The following DENND6A variants were observed in gnomAD, a reference collection of about 807,000 sequenced individuals.
DENND6A encodes DENN domain containing 6A, also known as protein DENND6A.
In DENND6A, 43 loss-of-function variants were observed where a neutral mutation model predicts 95.5. The observed-to-expected ratio is 0.45, with a 90% confidence interval of 0.35 to 0.58. The LOEUF is 0.58. Ranked by LOEUF, DENND6A falls within the 20% of genes least tolerant of loss-of-function variation. The pLI, the probability that DENND6A is intolerant of heterozygous loss-of-function variation, is 0.00. For synonymous variants in DENND6A, 257 were observed against 260.4 expected, an observed-to-expected ratio of 0.99 and a Z score of 0.13; for missense variants, 574 against 736.0, an observed-to-expected ratio of 0.78 and a Z score of 2.55.
chr3:57,634,211 T>A (rs1255737286), intron 14 of DENND6A, among the ~76,000 whole-genome samples: 2 of 151,974 alleles, frequency 1.3e-5, no homozygotes, highest in African/African-American at 4.8e-5. Context: ...GGTGGGCGTA[T>A]CACTTAAGGC....
intron 7 of DENND6A, 104 bp downstream of exon 7, chr3:57,660,656 T>C: frequency 1.0e-6 from 1 of 982,704 alleles, no homozygotes; most frequent in South Asian, 2.2e-5. Flanking sequence ...TGCAGTGAGC[T>C]GTGATCATGC....
chr3:57,630,364 T>C (rs771604106), intron 18 of DENND6A, 57 bp downstream of exon 18: 1 of 1,443,526 alleles, frequency 6.9e-7, no homozygotes, highest in Admixed American at 2.5e-5. Context: ...CTTCTAAGCA[T>C]AATTATCTTT....
At chr3:57,655,444 G>A (rs1310560063) in intron 9 of DENND6A, among the ~76,000 whole-genome samples, 4 of 152,038 alleles carry the variant, frequency 2.6e-5, no homozygotes, top group Non-Finnish European at 5.9e-5. Context: ...TAGTGATGGG[G>A]GTAATTAACT....
intron 6 of DENND6A, 73 bp from the exon 7 acceptor site, chr3:57,660,912 T>G: frequency 7.6e-7 from 1 of 1,319,614 alleles, no homozygotes; most frequent in Non-Finnish European, 1.0e-6. Context: ...GCATTAGAAA[T>G]AAGAACACTA....
intron 1 of DENND6A, among the ~76,000 whole-genome samples, chr3:57,683,344 T>G (rs140280861): frequency 6.6e-6 from 1 of 152,238 alleles, no homozygotes; most frequent in Non-Finnish European, 1.5e-5. Context: ...AGGCACTGTA[T>G]TGTATCAATT....
intron 3 of DENND6A, among the ~76,000 whole-genome samples, chr3:57,669,793 A>G (rs973332896): frequency 4.0e-5 from 6 of 151,566 alleles, no homozygotes; most frequent in African/African-American, 1.5e-4. Context: ...AGCCTGAGGC[A>G]GGCGAATCAC....
chr3:57,691,204 T>C (rs2077261101), intron 1 of DENND6A, among the ~76,000 whole-genome samples: 1 of 152,236 alleles, frequency 6.6e-6, no homozygotes, highest in African/African-American at 2.4e-5. Flanking sequence ...TTAAATTGTA[T>C]CTTGCTGTAC....
At chr3:57,689,919 C>T (rs1171483032) in intron 1 of DENND6A, among the ~76,000 whole-genome samples, 1 of 151,314 alleles carries the variant, frequency 6.6e-6, no homozygotes, top group East Asian at 1.9e-4. Context: ...TTAAAAATAG[C>T]CGGGTGTAGT....
chr3:57,649,714 T>G (rs1032569363), intron 9 of DENND6A, among the ~76,000 whole-genome samples: 5 of 151,766 alleles, frequency 3.3e-5, no homozygotes, highest in African/African-American at 9.7e-5. Flanking sequence ...TCATCTCCCC[T>G]GGGCCCTGAC....
intron 1 of DENND6A, among the ~76,000 whole-genome samples, chr3:57,682,496 G>A (rs1258850880): frequency 1.3e-5 from 2 of 151,956 alleles, no homozygotes; most frequent in Non-Finnish European, 2.9e-5. Flanking sequence ...CCATCCAGCA[G>A]GGGAAATAAG....
chr3:57,653,473 C>T (rs541720778), intron 9 of DENND6A, among the ~76,000 whole-genome samples: 4 of 151,986 alleles, frequency 2.6e-5, no homozygotes, highest in African/African-American at 4.8e-5. Flanking sequence ...AGGCCGGGCG[C>T]GGTGGCTCAC....
In DENND6A at chr3:57,625,510, A is replaced by G. The variant is rs8059; in HGVS notation, c.*2704T>C. 0.37 allele frequency: 56,891 copies of G among 152,534 alleles called. 12,374 individuals are homozygous for G. The highest frequency in any genetic ancestry group is 0.56 in the South Asian group (2,715 of 4,820). The allele number at this position is 152,534 out of a possible 1,614,324, so 9.4% of individuals were successfully genotyped here. ...TTTGGTAATGACCATAAATGCCTTC[A>G]CAAAACCTCTTTTTCACTGTAAATA... On this transcript the variant is annotated 3_prime_UTR_variant, in exon 20 of 20. Coordinates refer to ENST00000311128, the MANE Select transcript of DENND6A (RefSeq NM_152678.3).
At chr3:57,641,884 A>G in intron 11 of DENND6A, 137 bp from the exon 12 acceptor site, 1 of 591,068 alleles carries the variant, frequency 1.7e-6, no homozygotes. Context: ...TTACATATCA[A>G]CTACATGCCA....
intron 9 of DENND6A, among the ~76,000 whole-genome samples, chr3:57,657,277 T>G (rs1223574111): frequency 6.6e-6 from 1 of 152,236 alleles, no homozygotes; most frequent in Non-Finnish European, 1.5e-5. Flanking sequence ...ATCATATACA[T>G]ATCACTCAGA....
At position 57,659,145 on chromosome 3, in the gene DENND6A, T is replaced by G. The variant is rs899349001; in HGVS notation, c.735A>C (p.Thr245=). The change falls in exon 8 of 20, where the codon ACA becomes ACC. Residue 245 remains threonine (T), a synonymous_variant. Coordinates refer to ENST00000311128, the MANE Select transcript of DENND6A (RefSeq NM_152678.3). ...RIPTCHDKPG[T]TQIVQLTQQV... ...GCTGAGTTAACTGCACTATTTGAGT[T>G]GTCCCAGGCTTGTCATGACATGTGG... The G allele has an allele frequency of 3.1e-6, 5 of 1,613,974 alleles. No individual in the cohort carries two copies. Among genetic ancestry groups the G allele is most frequent in the Non-Finnish European group, 3.4e-6 (4 of 1,180,016 alleles).
At chr3:57,655,904 C>G (rs1397200002) in intron 9 of DENND6A, among the ~76,000 whole-genome samples, 1 of 152,142 alleles carries the variant, frequency 6.6e-6, no homozygotes, top group African/African-American at 2.4e-5. Context: ...TAATTGAACT[C>G]TATATTAATT....
intron 4 of DENND6A, among the ~76,000 whole-genome samples, chr3:57,664,182 T>A (rs915806213): frequency 2.6e-5 from 4 of 152,162 alleles, no homozygotes; most frequent in African/African-American, 9.7e-5. Context: ...TTGTCAAGGA[T>A]AAGGGATCAA....
chr3:57,644,314 AT>A (rs971738230), intron 11 of DENND6A, among the ~76,000 whole-genome samples: 6 of 151,642 alleles, frequency 4.0e-5, no homozygotes, highest in African/African-American at 1.5e-4. Context: ...TTACAAAAAA[AT>A]TTTTTTTGAG....
At chr3:57,650,445 C>T (rs1165117334) in intron 9 of DENND6A, among the ~76,000 whole-genome samples, 1 of 149,372 alleles carries the variant, frequency 6.7e-6, no homozygotes, top group Non-Finnish European at 1.5e-5. Flanking sequence ...CACACACACA[C>T]ATACATACAC....
Sources: allele counts gnomAD v4.1 joint callset (sites outside exome capture counted in the v4.1 genomes callset), GRCh38; gene constraint gnomAD v4.1.1; transcripts MANE v1.5; gene names NCBI Gene and HGNC (gene_info 2026-07-23, HGNC 2026-07-21).